Variants in TMTC2 observed in about 807,000 individuals in gnomAD.
TMTC2 encodes protein O-mannosyl-transferase TMTC2.
In TMTC2, 43 loss-of-function variants were observed where a neutral mutation model predicts 82.4. The observed-to-expected ratio is 0.52, with a 90% CI of 0.41 to 0.67. The LOEUF (loss-of-function observed/expected upper bound fraction) is 0.67, where lower values mean the gene tolerates loss of function less well. TMTC2 is among the 30% of genes least tolerant of loss of function. The pLI is 0.00. For synonymous variants in TMTC2, 408 were observed against 381.9 expected (o/e 1.07, Z -0.80); for missense variants, 919 against 1,012.4 (o/e 0.91, Z 1.25).
chr12:82,860,539 T>C (rs577860480), intron 2 of TMTC2, among the ~76,000 whole-genome samples: 1 of 152,360 alleles, frequency 6.6e-6, no homozygotes, highest in East Asian at 1.9e-4. Context: ...TTCCATGATC[T>C]GTTTCTTCAT....
chr12:83,072,925 G>A (rs543066618), intron 11 of TMTC2, among the ~76,000 whole-genome samples: 2 of 152,014 alleles, frequency 1.3e-5, no homozygotes, highest in Non-Finnish European at 2.9e-5. Flanking sequence ...GCAGATGGTT[G>A]GTGAGTTCTT....
chr12:83,060,893 T>A (rs1882715090), intron 10 of TMTC2, among the ~76,000 whole-genome samples: 1 of 151,732 alleles, frequency 6.6e-6, no homozygotes, highest in Non-Finnish European at 1.5e-5. Context: ...TCAGTGCACA[T>A]CTTATTTGTA....
At chr12:82,942,552 T>G (rs1213621711) in intron 4 of TMTC2, among the ~76,000 whole-genome samples, 2 of 152,210 alleles carry the variant, frequency 1.3e-5, no homozygotes. Context: ...AAGTAATTAT[T>G]TGAAACTAGG....
intron 11 of TMTC2, among the ~76,000 whole-genome samples, chr12:83,085,097 C>T (rs781019539): frequency 1.8e-4 from 27 of 152,156 alleles, no homozygotes; most frequent in Non-Finnish European, 3.7e-4. Context: ...ATTGAACCCT[C>T]TCCATCATGG....
At chr12:82,962,715 G>A (rs1187834560) in intron 4 of TMTC2, among the ~76,000 whole-genome samples, 2 of 151,964 alleles carry the variant, frequency 1.3e-5, no homozygotes, top group African/African-American at 4.8e-5. Context: ...CTGGATGTCA[G>A]GAGGGAGATC....
At chr12:83,032,903 A>AC (rs1203101085) in intron 9 of TMTC2, among the ~76,000 whole-genome samples, 3 of 152,104 alleles carry the variant, frequency 2.0e-5, no homozygotes, top group African/African-American at 7.2e-5. Flanking sequence ...AGCAGTGATA[A>AC]CAAATGTCTT....
At chr12:82,708,687 A>ATGC (rs1275160605) in intron 1 of TMTC2, among the ~76,000 whole-genome samples, 3 of 152,166 alleles carry the variant, frequency 2.0e-5, no homozygotes, top group Non-Finnish European at 2.9e-5. Context: ...TGCTTCTACG[A>ATGC]TGCTCGAGTT....
chr12:83,072,792 T>A (rs1353255768), intron 11 of TMTC2, among the ~76,000 whole-genome samples: 2 of 152,214 alleles, frequency 1.3e-5, no homozygotes, highest in African/African-American at 4.8e-5. Flanking sequence ...CTTTAAAATT[T>A]GTTTTGTCTG....
At chr12:82,841,213 T>C (rs878868660) in intron 1 of TMTC2, among the ~76,000 whole-genome samples, 4 of 152,252 alleles carry the variant, frequency 2.6e-5, no homozygotes, top group Admixed American at 6.5e-5. Context: ...TGCTATGTGA[T>C]TTATTTAAAG....
intron 1 of TMTC2, among the ~76,000 whole-genome samples, chr12:82,809,227 G>T (rs1879380116): frequency 6.6e-6 from 1 of 151,888 alleles, no homozygotes; most frequent in African/African-American, 2.4e-5. Context: ...TTAATAAATT[G>T]TTCTTGGTTA....
chr12:83,016,659 G>A (rs1342517679), intron 8 of TMTC2, among the ~76,000 whole-genome samples: 1 of 152,124 alleles, frequency 6.6e-6, no homozygotes, highest in African/African-American at 2.4e-5. Flanking sequence ...GCATGACTTT[G>A]TCTTTAAGCT....
chr12:83,052,713 T>A (rs1882398230), intron 10 of TMTC2, among the ~76,000 whole-genome samples: 1 of 152,200 alleles, frequency 6.6e-6, no homozygotes, highest in Admixed American at 6.5e-5. Flanking sequence ...AAACCCATTA[T>A]AAGTGTATTA....
intron 2 of TMTC2, among the ~76,000 whole-genome samples, chr12:82,858,840 T>G (rs1378281459): frequency 2.0e-5 from 3 of 152,190 alleles, no homozygotes; most frequent in Non-Finnish European, 2.9e-5. Context: ...AAAGTCAAGC[T>G]CTTAATTTCA....
intron 10 of TMTC2, among the ~76,000 whole-genome samples, chr12:83,061,441 G>T (rs151230774): frequency 1.3e-5 from 2 of 151,748 alleles, no homozygotes; most frequent in East Asian, 1.9e-4. Context: ...TTTTTCTGGG[G>T]TATCATGTTG....
At chr12:82,962,774 G>C (rs191202883) in intron 4 of TMTC2, among the ~76,000 whole-genome samples, 1 of 152,052 alleles carries the variant, frequency 6.6e-6, no homozygotes, top group Admixed American at 6.6e-5. Flanking sequence ...CCACATTTAT[G>C]CATTATGTCA....
chr12:83,130,555 G>T (rs574038261), intron 11 of TMTC2, among the ~76,000 whole-genome samples: 2 of 152,106 alleles, frequency 1.3e-5, no homozygotes, highest in African/African-American at 2.4e-5. Flanking sequence ...ATATAGAAAG[G>T]TTTAAAAATA....
intron 1 of TMTC2, among the ~76,000 whole-genome samples, chr12:82,692,807 G>A (rs1182204027): frequency 1.3e-5 from 2 of 152,148 alleles, no homozygotes; most frequent in Non-Finnish European, 2.9e-5. Context: ...CCTCATTTAG[G>A]AGCTCAGTTT....
At position 83,078,157 on chromosome 12, in the gene TMTC2, G is replaced by A. The variant is rs181602107; in HGVS notation, c.2331+16326G>A. Among the ~76,000 whole-genome samples the A allele has an allele frequency of 9.9e-5, 15 of 152,134 alleles. No individual in the cohort carries two copies. The South Asian group carries it at 2.9e-3, about 29-fold the overall frequency. The stretch of plus-strand genomic sequence containing the variant: ...ACAAACAAAGGTGATCAGATATCGA[G>A]GGTGGGGGGATTCTTGCTAAACTGA... On this transcript the variant is annotated intron_variant, in intron 11 of 11. Coordinates refer to ENST00000321196, the MANE Select transcript of TMTC2 (RefSeq NM_152588.3).
chr12:83,030,174 G>A (rs1474842173), intron 8 of TMTC2, among the ~76,000 whole-genome samples: 4 of 152,050 alleles, frequency 2.6e-5, no homozygotes, highest in Admixed American at 2.0e-4. Flanking sequence ...GTCTCATTTC[G>A]TTTAGCCTTG....
Sources: allele counts gnomAD v4.1 joint callset (sites outside exome capture counted in the v4.1 genomes callset), GRCh38; gene constraint gnomAD v4.1.1; transcripts MANE v1.5; gene names NCBI Gene and HGNC (gene_info 2026-07-23, HGNC 2026-07-21).